STRAP: variants seen among roughly 807,000 people sequenced by gnomAD.
STRAP encodes the protein serine-threonine kinase receptor-associated protein.
Under a neutral mutation model 47.0 loss-of-function variants are expected in STRAP, and 16 were observed. The observed-to-expected ratio is 0.34, with a 90% CI of 0.23 to 0.52. The LOEUF (loss-of-function observed/expected upper bound fraction) is 0.52, where lower values mean the gene tolerates loss of function less well. Among genes scored for constraint, STRAP ranks in the 20% least tolerant of loss-of-function variants. The pLI, the probability that STRAP is intolerant of heterozygous loss-of-function variation, is 0.96. For synonymous variants in STRAP, 130 were observed against 142.7 expected (o/e 0.91, Z 0.63); for missense variants, 293 against 420.0 (o/e 0.70, Z 2.64).
chr12:15,903,235 C>G lies in STRAP; in HGVS notation c.*257C>G. ...TATCTTTTTAATGAATATATACAAG[C>G]CAACATCCAATTTCTATTATTACAA... On this transcript the variant is annotated 3_prime_UTR_variant, in exon 10 of 10. Transcript: ENST00000419869. 1 of 308,364 alleles carries G rather than the reference C, an allele frequency of 3.2e-6. No individual in the cohort carries two copies. Among genetic ancestry groups the G allele is most frequent in the Non-Finnish European group, 5.8e-6 (1 of 171,192 alleles). 19.1% of individuals were successfully genotyped at this position (308,364 alleles called of 1,614,324 possible).
intron 9 of STRAP, among the ~76,000 whole-genome samples, 172 bp from the exon 10 acceptor site, chr12:15,902,739 TCAATGA>T (rs1252502983): frequency 1.3e-5 from 2 of 152,206 alleles, no homozygotes; most frequent in East Asian, 3.9e-4. Flanking sequence ...CTTTGCCTTT[TCAATGA>T]CATGAGTCTA....
In STRAP at chr12:15,902,862, TTTCA is replaced by T. The variant is rs1201250226; in HGVS notation, c.992-52_992-49del. The T allele has an allele frequency of 8.7e-6, 13 of 1,490,590 alleles. No individual in the cohort carries two copies. In the African/African-American group the frequency reaches 1.1e-4, roughly 13 times the overall value. 92.3% of individuals were successfully genotyped at this position (1,490,590 alleles called of 1,614,324 possible). ...ACAGAAATGTAGATTTGCTTCTTTC[TTTCA>T]TTAAGTTGACTAATGTGACTTTTTT... On this transcript the variant is annotated intron_variant, in intron 9 of 9. Transcript: ENST00000419869.
intron 9 of STRAP, among the ~76,000 whole-genome samples, chr12:15,902,368 A>G (rs1427679896): frequency 6.6e-6 from 1 of 152,128 alleles, no homozygotes; most frequent in Admixed American, 6.5e-5. Context: ...TGTGAGATTG[A>G]TGAGTGGGGG....
chr12:15,899,811 T>C (rs1948088861), intron 7 of STRAP, 93 bp from the exon 8 acceptor site: 1 of 1,264,612 alleles, frequency 7.9e-7, no homozygotes, highest in Non-Finnish European at 1.1e-6. Flanking sequence ...GAATTTTCCA[T>C]CTCCCCAGTA....
At position 15,887,121 on chromosome 12, in the gene STRAP, G is replaced by A. The variant is rs1046349117; in HGVS notation, c.249-2807G>A. 1.3e-5 allele frequency among the ~76,000 whole-genome samples: 2 copies of A among 152,118 alleles called. No individual in the cohort carries two copies. Among genetic ancestry groups the A allele is most frequent in the African/African-American group, 2.4e-5 (1 of 41,428 alleles). On this transcript the variant is annotated intron_variant, in intron 2 of 9. Coordinates refer to ENST00000419869, the MANE Select transcript of STRAP (RefSeq NM_007178.4). The surrounding 1 kb of genome is among the most constrained non-coding windows in gnomAD (Gnocchi z 5.5). The stretch of plus-strand genomic sequence containing the variant: ...GTTTTAATAAGGTTCTTGATAAATC[G>A]AAAATGGTATTATCTCCTAGATGAC...
intron 4 of STRAP, 63 bp from the exon 5 acceptor site, chr12:15,893,984 C>T (rs1233050081): frequency 3.0e-5 from 37 of 1,230,266 alleles, no homozygotes; most frequent in South Asian, 2.2e-4. Flanking sequence ...ATAATTGTTC[C>T]GATATTGTTC....
chr12:15,901,964 A>T (rs11056701), intron 9 of STRAP, among the ~76,000 whole-genome samples: 13,310 of 151,426 alleles, frequency 0.088, 1,922 homozygotes, highest in African/African-American at 0.3. Context: ...TGTAGTCTAG[A>T]TGAGTGATCA....
At chr12:15,885,415 C>G (rs1258915201) in intron 2 of STRAP, among the ~76,000 whole-genome samples, 2 of 151,440 alleles carry the variant, frequency 1.3e-5, no homozygotes, top group Non-Finnish European at 2.9e-5. Context: ...TCTCGAACTC[C>G]TGACCTCAAG....
intron 9 of STRAP, among the ~76,000 whole-genome samples, chr12:15,901,723 T>C (rs1261237148): frequency 6.6e-6 from 1 of 151,932 alleles, no homozygotes; most frequent in Admixed American, 6.6e-5. Context: ...TAGCCGGTCA[T>C]GGTGGCAGAT....
rs1948064706 is a variant in STRAP, at chr12:15,896,953, G to A, written c.639-929G>A. Among the ~76,000 whole-genome samples the A allele has an allele frequency of 6.6e-6, 1 of 152,192 alleles. No homozygotes were observed. Among genetic ancestry groups the A allele is most frequent in the South Asian group, 2.1e-4 (1 of 4,832 alleles). On this transcript the variant is annotated intron_variant, in intron 6 of 9. Transcript: ENST00000419869. The surrounding 1 kb of genome is among the most constrained non-coding windows in gnomAD (Gnocchi z 4.1). ...GAGGAGAGCAATTAAGCAATGTCAAGGAGTTTATACACATACAGTAAACTG... is the reference window on the plus strand; with the variant it reads ...GAGGAGAGCAATTAAGCAATGTCAAAGAGTTTATACACATACAGTAAACTG...
rs752288980 is a variant in STRAP, at chr12:15,882,696, T to C, written c.-12T>C. 1.9e-6 allele frequency: 3 copies of C among 1,585,086 alleles called. No homozygotes were observed. The African/African-American group carries it at 4.0e-5, about 21-fold the overall frequency. ...TCAGCTCGCCAGTCCGGTCGCTGGCTTCGCCGCCGCCATGGCAATGAGACA... is the reference window on the plus strand; with the variant it reads ...TCAGCTCGCCAGTCCGGTCGCTGGCCTCGCCGCCGCCATGGCAATGAGACA... On this transcript the variant is annotated 5_prime_UTR_variant, in exon 1 of 10. Transcript: ENST00000419869.
chr12:15,883,825 G>C, intron 2 of STRAP, 149 bp downstream of exon 2: 1 of 1,048,142 alleles, frequency 9.5e-7, no homozygotes, highest in Non-Finnish European at 1.3e-6. Context: ...TTCCATCGTG[G>C]TCCATCGTGG....
chr12:15,897,952 T>A lies in STRAP; in HGVS notation c.709T>A (p.Phe237Ile). 1 of 1,602,408 alleles carries A rather than the reference T, an allele frequency of 6.2e-7. No homozygotes were observed. Among genetic ancestry groups the A allele is most frequent in the Non-Finnish European group, 8.5e-7 (1 of 1,175,630 alleles). The change falls in exon 7 of 10, where the codon TTT becomes ATT. Residue 237 changes from phenylalanine (F) to isoleucine (I), a missense_variant. Coordinates refer to ENST00000419869, the MANE Select transcript of STRAP (RefSeq NM_007178.4). ...NSASLHPEKE[F>I]LVAGGEDFKL... ...TGCATCTCTTCATCCTGAGAAAGAA[T>A]TTCTTGTTGCAGGCGGTGAAGATTT... is the stretch of plus-strand genomic sequence containing the variant.
rs1947930421 is a variant in STRAP at position 15,882,579 on chromosome 12, T to C, written c.-129T>C. 2 of 751,394 alleles carry C rather than the reference T, an allele frequency of 2.7e-6. No individual in the cohort carries two copies. The highest frequency in any genetic ancestry group is 5.1e-5 in the Admixed American group (2 of 38,922). 46.5% of individuals were successfully genotyped at this position (751,394 alleles called of 1,614,324 possible). Reference sequence around the variant, plus strand: ...TCGGTGCCACCGGATTGCCCTTCTTTTCCTGTTGCCCAGCCCAGCCCTAGT... The same window carrying C: ...TCGGTGCCACCGGATTGCCCTTCTTCTCCTGTTGCCCAGCCCAGCCCTAGT... On this transcript the variant is annotated 5_prime_UTR_variant, in exon 1 of 10. Coordinates refer to ENST00000419869, the MANE Select transcript of STRAP (RefSeq NM_007178.4).
chr12:15,883,470 A>T, intron 1 of STRAP, 71 bp from the exon 2 acceptor site: 1 of 1,499,758 alleles, frequency 6.7e-7, no homozygotes, highest in Middle Eastern at 2.4e-4. Flanking sequence ...ATCATTGTAT[A>T]TTTACATTTG....
At chr12:15,893,818 A>G (rs1948038103) in intron 4 of STRAP, among the ~76,000 whole-genome samples, 2 of 151,838 alleles carry the variant, frequency 1.3e-5, no homozygotes, top group Non-Finnish European at 2.9e-5. Context: ...TCAGCTACAT[A>G]TAGCAAGCAT....
At chr12:15,888,665 G>C (rs1324965234) in intron 2 of STRAP, among the ~76,000 whole-genome samples, 1 of 151,826 alleles carries the variant, frequency 6.6e-6, no homozygotes, top group African/African-American at 2.4e-5. Flanking sequence ...TGCTTCTTCC[G>C]ACGGCTAGCT....
At chr12:15,895,632 C>T (rs2136111762) in intron 6 of STRAP, 136 bp downstream of exon 6, 1 of 871,358 alleles carries the variant, frequency 1.1e-6, no homozygotes, top group Non-Finnish European at 1.7e-6. Context: ...ATCGCAGTAC[C>T]TTGGGAAGCT....
rs1461226618 is a variant in STRAP at position 15,903,022 on chromosome 12, G to A, written c.*44G>A. 3 of 1,406,116 alleles carry A rather than the reference G, an allele frequency of 2.1e-6. No homozygotes were observed. The highest frequency in any genetic ancestry group is 1.9e-6 in the Non-Finnish European group (2 of 1,075,754). 87.1% of individuals were successfully genotyped at this position (1,406,116 alleles called of 1,614,324 possible). A position where few individuals can be genotyped will look rare whatever the true frequency, so the allele number is the denominator to read the frequency against. ...GTTAGTATACAACTGACTAAAACAA[G>A]CAAGCAGAGAAAAGCATCAGCCTTC... On this transcript the variant is annotated 3_prime_UTR_variant, in exon 10 of 10. Coordinates refer to ENST00000419869, the MANE Select transcript of STRAP (RefSeq NM_007178.4).
Sources: allele counts gnomAD v4.1 joint callset (sites outside exome capture counted in the v4.1 genomes callset), GRCh38; gene constraint gnomAD v4.1.1; non-coding constraint Gnocchi (gnomAD v3.1); transcripts MANE v1.5; gene names NCBI Gene and HGNC (gene_info 2026-07-23, HGNC 2026-07-21).